ERC1: variants seen among roughly 807,000 people sequenced by gnomAD.
ERC1 encodes ELKS/RAB6-interacting/CAST family member 1, also known as RAB6 interacting protein 2.
ERC1 carries 56 observed loss-of-function variants against 132.0 expected under a neutral mutation model. That is an observed-to-expected ratio of 0.42 (90% CI 0.34 to 0.53). ERC1 has a LOEUF of 0.53. Among genes scored for constraint, ERC1 ranks in the 20% least tolerant of loss-of-function variants. ERC1 has a pLI of 0.03. For synonymous variants in ERC1, 478 were observed against 476.1 expected (o/e 1.00, Z -0.05); for missense variants, 1,202 against 1,349.9 (o/e 0.89, Z 1.72).
chr12:1,249,901 T>C (rs2076369860), intron 13 of ERC1, among the ~76,000 whole-genome samples: 1 of 152,192 alleles, frequency 6.6e-6, no homozygotes, highest in South Asian at 2.1e-4. Context: ...GCAGCCTCTT[T>C]TATAAGGGCA....
intron 7 of ERC1, among the ~76,000 whole-genome samples, chr12:1,137,912 T>C (rs902998792): frequency 1.4e-5 from 2 of 139,874 alleles, no homozygotes; most frequent in Admixed American, 1.5e-4. Flanking sequence ...TATTTATATG[T>C]ATTATATAAT....
At chr12:1,341,341 G>T (rs2083872220) in intron 15 of ERC1, among the ~76,000 whole-genome samples, 1 of 151,758 alleles carries the variant, frequency 6.6e-6, no homozygotes, top group South Asian at 2.1e-4. Flanking sequence ...TATAAATCAT[G>T]CTACTATAAA....
intron 16 of ERC1, among the ~76,000 whole-genome samples, chr12:1,382,953 A>T (rs2088862957): frequency 6.6e-6 from 1 of 152,162 alleles, no homozygotes; most frequent in Non-Finnish European, 1.5e-5. Context: ...AGAGGCTGGG[A>T]ATGTGGGGAA....
In ERC1 at chr12:1,473,593, G is replaced by T. The variant is rs116018971; in HGVS notation, c.3214-16500G>T. Among the ~76,000 whole-genome samples the T allele has an allele frequency of 2.2e-5, 3 of 139,384 alleles. No individual in the cohort carries two copies. In the East Asian group the frequency reaches 6.8e-4, roughly 32 times the overall value. The allele number at this position is 139,384 out of a possible 152,430, so 91.4% of individuals were successfully genotyped here. On this transcript the variant is annotated intron_variant, in intron 18 of 18. Coordinates refer to ENST00000360905, the MANE Select transcript of ERC1 (RefSeq NM_178040.4). The stretch of plus-strand genomic sequence containing the variant: ...TGCAGTGAGCTGTGATCTCGCCACC[G>T]CACTCCAGCCTGGGGGACAGAGTGA...
intron 8 of ERC1, among the ~76,000 whole-genome samples, chr12:1,144,893 T>A (rs1950209630): frequency 6.6e-6 from 1 of 152,100 alleles, no homozygotes; most frequent in Non-Finnish European, 1.5e-5. Context: ...TTGTGCTAGT[T>A]TGCATTCCCA....
chr12:1,181,570 G>A (rs980820716), intron 9 of ERC1, among the ~76,000 whole-genome samples: 5 of 152,000 alleles, frequency 3.3e-5, no homozygotes, highest in Non-Finnish European at 4.4e-5. Flanking sequence ...AGGCCGAGGC[G>A]GGTGGATCAT....
chr12:1,073,962 A>G (rs11837384), intron 2 of ERC1, among the ~76,000 whole-genome samples: 34,070 of 141,868 alleles, frequency 0.24, 4,277 homozygotes, highest in Middle Eastern at 0.32. Flanking sequence ...CGCCTCCCGG[A>G]TAAGCGATTC....
intron 1 of ERC1, among the ~76,000 whole-genome samples, chr12:995,338 A>T (rs1455230590): frequency 6.6e-6 from 1 of 152,148 alleles, no homozygotes; most frequent in Non-Finnish European, 1.5e-5. Flanking sequence ...GGTATCTCTG[A>T]CCAAGGTGAA....
At chr12:1,034,359 C>T (rs80123828) in intron 2 of ERC1, among the ~76,000 whole-genome samples, 3 of 151,836 alleles carry the variant, frequency 2.0e-5, no homozygotes, top group Admixed American at 1.3e-4. Context: ...GAGAATCCCT[C>T]GAGTCCAGGA....
intron 17 of ERC1, among the ~76,000 whole-genome samples, chr12:1,429,848 C>T (rs2092740666): frequency 6.6e-6 from 1 of 152,154 alleles, no homozygotes; most frequent in African/African-American, 2.4e-5. Context: ...ATATTCTTGG[C>T]AGCTCATTAT....
chr12:1,419,036 C>T (rs1026576606), intron 17 of ERC1, among the ~76,000 whole-genome samples: 3 of 151,948 alleles, frequency 2.0e-5, no homozygotes, highest in African/African-American at 7.3e-5. Context: ...TCTGAAGGCT[C>T]CCACATTACA....
intron 6 of ERC1, among the ~76,000 whole-genome samples, chr12:1,114,173 G>A (rs149726536): frequency 4.4e-4 from 67 of 151,958 alleles, no homozygotes; most frequent in African/African-American, 1.6e-3. Context: ...ACAGGCATGC[G>A]CCACCATGCC....
rs1306938432 is a variant in ERC1 at position 991,327 on chromosome 12, G to A, written c.-157+5G>A. ...GTAGCGGCAGCCCTGAGGACGGTGA[G>A]ACGGCCGCGGCGGCGGCGACAGCGC... On this transcript the variant is annotated splice_donor_5th_base_variant and intron_variant, in intron 1 of 18. Transcript: ENST00000360905. The A allele has an allele frequency of 9.0e-5, 14 of 155,556 alleles. No homozygotes were observed. The highest frequency in any genetic ancestry group is 5.9e-4 in the Admixed American group (9 of 15,150). 9.6% of individuals were successfully genotyped at this position (155,556 alleles called of 1,614,324 possible).
chr12:1,427,140 C>T (rs1337154579), intron 17 of ERC1, among the ~76,000 whole-genome samples: 2 of 152,118 alleles, frequency 1.3e-5, no homozygotes, highest in Non-Finnish European at 2.9e-5. Flanking sequence ...ACCAGATGAC[C>T]ATCAAGACAA....
chr12:1,200,256 A>C (rs973113458), intron 12 of ERC1, among the ~76,000 whole-genome samples: 1 of 152,150 alleles, frequency 6.6e-6, no homozygotes, highest in Non-Finnish European at 1.5e-5. Context: ...TAGCAGTCAA[A>C]TTTTGAAGAT....
intron 7 of ERC1, among the ~76,000 whole-genome samples, chr12:1,133,271 G>T: frequency 6.6e-6 from 1 of 152,208 alleles, no homozygotes; most frequent in East Asian, 1.9e-4. Context: ...GTAGTAATTA[G>T]ATGCAAATGA....
chr12:1,070,340 G>A (rs528026908), intron 2 of ERC1, among the ~76,000 whole-genome samples: 3 of 149,432 alleles, frequency 2.0e-5, no homozygotes, highest in Non-Finnish European at 3.0e-5. Context: ...TCACTCTGCC[G>A]CCCAGGCTGG....
intron 1 of ERC1, among the ~76,000 whole-genome samples, chr12:1,010,042 C>G (rs1285420855): frequency 6.6e-6 from 1 of 152,152 alleles, no homozygotes; most frequent in Non-Finnish European, 1.5e-5. Context: ...TTTCTCCAGG[C>G]TAAATCTGCA....
intron 15 of ERC1, among the ~76,000 whole-genome samples, chr12:1,316,954 G>A (rs1036258510): frequency 2.4e-4 from 36 of 152,238 alleles, no homozygotes; most frequent in African/African-American, 8.2e-4. Context: ...GAGGTCAGGA[G>A]TTCAAGACCA....
Sources: allele counts gnomAD v4.1 joint callset (sites outside exome capture counted in the v4.1 genomes callset), GRCh38; gene constraint gnomAD v4.1.1; transcripts MANE v1.5; gene names NCBI Gene and HGNC (gene_info 2026-07-23, HGNC 2026-07-21).